Variants in HOOK1 observed in about 807,000 individuals in gnomAD.
The protein encoded by HOOK1 is protein Hook homolog 1.
In HOOK1, 60 loss-of-function variants were observed where a neutral mutation model predicts 112.8. The observed-to-expected ratio is 0.53, with a 90% CI of 0.43 to 0.66. The LOEUF is 0.66. Among genes scored for constraint, HOOK1 ranks in the 30% least tolerant of loss-of-function variants. The probability of loss-of-function intolerance (pLI) is 0.00; values close to 1 mark genes in which losing one functional copy is unlikely to be tolerated. For missense variants in HOOK1, 770 were observed against 856.0 expected (o/e 0.90, Z 1.25); for synonymous variants, 294 against 283.8 (o/e 1.04, Z -0.36).
At chr1:59,818,447 C>T (rs112343655) in intron 1 of HOOK1, among the ~76,000 whole-genome samples, 5 of 152,240 alleles carry the variant, frequency 3.3e-5, no homozygotes, top group African/African-American at 1.2e-4. Flanking sequence ...ATAATTGGCT[C>T]TTAGAAATGT....
At chr1:59,832,304 AT>A (rs562400326) in intron 4 of HOOK1, 91 bp downstream of exon 4, 2 of 745,684 alleles carry the variant, frequency 2.7e-6, no homozygotes, top group Non-Finnish European at 4.5e-6. Flanking sequence ...TGTTTATAAT[AT>A]TTTACTGGAA....
intron 12 of HOOK1, among the ~76,000 whole-genome samples, chr1:59,854,026 ATATATATATATATTTTTTTTTTTTTTTT>A (rs1006183915): frequency 2.6e-4 from 6 of 22,712 alleles, no homozygotes; most frequent in African/African-American, 8.1e-4. Flanking sequence ...ATATATATAT[ATATATATATATATTTTTTTTTTTTTTTT>A]TTTTTTTTTT....
rs1339897388 is a variant in HOOK1 at position 59,865,945 on chromosome 1, T to C, written c.1818T>C (p.Tyr606=). 4 of 1,594,400 alleles carry C rather than the reference T, an allele frequency of 2.5e-6. No homozygotes were observed. Among genetic ancestry groups the C allele is most frequent in the East Asian group, 2.3e-5 (1 of 44,016 alleles). ...DEDMKAMEER[Y]KMYLEKARNV... ...ATATGAAAGCAATGGAGGAAAGATA[T>C]AAAATGTACTTGGAGAAAGCCAGAA... The change falls in exon 19 of 22, where the codon TAT becomes TAC. Residue 606 remains tyrosine, a synonymous_variant. Transcript: ENST00000371208.
Position 59,817,942 on chromosome 1 carries a change from G to T in HOOK1, c.63+2762G>T, listed in dbSNP as rs530293985. Reference sequence around the variant, plus strand: ...GAACACTGACAACTATTGCCAATAAGACACCAAATCAAAGTGGTGATAGTA... The same window carrying T: ...GAACACTGACAACTATTGCCAATAATACACCAAATCAAAGTGGTGATAGTA... On this transcript the variant is annotated intron_variant, in intron 1 of 21. Coordinates refer to ENST00000371208, the MANE Select transcript of HOOK1 (RefSeq NM_015888.6). Among the ~76,000 whole-genome samples the T allele has an allele frequency of 8.1e-4, 124 of 152,168 alleles. 2 individuals carry two copies. Among genetic ancestry groups the T allele is most frequent in the Non-Finnish European group, 1.7e-3 (114 of 68,026 alleles).
chr1:59,828,582 T>G (rs1394657782), intron 2 of HOOK1, among the ~76,000 whole-genome samples, 198 bp from the exon 3 acceptor site: 1 of 152,160 alleles, frequency 6.6e-6, no homozygotes, highest in Non-Finnish European at 1.5e-5. Context: ...ATTAAATATT[T>G]AGTAAATGTT....
Position 59,872,876 on chromosome 1 carries a change from CCTGCGCGGTCTTT to C in HOOK1, c.2101_2113del (p.Ala701Ter). 1.3e-6 allele frequency: 2 copies of C among 1,529,390 alleles called. No individual in the cohort carries two copies. Among genetic ancestry groups the C allele is most frequent in the Non-Finnish European group, 1.8e-6 (2 of 1,131,792 alleles). 94.7% of individuals were successfully genotyped at this position (1,529,390 alleles called of 1,614,324 possible). ...CTGCAGTGACACTGGTGCGTGCACT[CCTGCGCGGTCTTT>C]CTTAGCGCAGCAACGGCACATCACC... On this transcript the variant is annotated frameshift_variant, in exon 22 of 22. Transcript: ENST00000371208. LOFTEE classifies it high-confidence loss of function.
At chr1:59,862,724 A>G in intron 15 of HOOK1, 60 bp from the exon 16 acceptor site, 1 of 961,738 alleles carries the variant, frequency 1.0e-6, no homozygotes, top group South Asian at 1.4e-5. Flanking sequence ...GTACCTTTGT[A>G]GATCCTTAAC....
intron 12 of HOOK1, among the ~76,000 whole-genome samples, chr1:59,849,884 G>C (rs2098406215): frequency 6.6e-6 from 1 of 151,522 alleles, no homozygotes; most frequent in African/African-American, 2.4e-5. Context: ...CATTTGGGTT[G>C]TTTCTACTTT....
intron 3 of HOOK1, among the ~76,000 whole-genome samples, chr1:59,829,369 A>G (rs1293495909): frequency 6.6e-6 from 1 of 152,160 alleles, no homozygotes; most frequent in African/African-American, 2.4e-5. Flanking sequence ...ACAAACATTC[A>G]TATATGAATC....
At chr1:59,845,915 A>C (rs1419555524) in intron 9 of HOOK1, among the ~76,000 whole-genome samples, 1 of 151,864 alleles carries the variant, frequency 6.6e-6, no homozygotes, top group Non-Finnish European at 1.5e-5. Context: ...TGTTTTCTGA[A>C]AGAGTTTATG....
chr1:59,852,466 CAA>C lies in HOOK1; in HGVS notation c.1242+3284_1242+3285del, dbSNP rs986514608. ...ATTTCTTCTTTATTTCTGTGAGAAA[CAA>C]GAGAATTTTGCTAAGTAGTGATATC... On this transcript the variant is annotated intron_variant, in intron 12 of 21. Coordinates refer to ENST00000371208, the MANE Select transcript of HOOK1 (RefSeq NM_015888.6). Among the ~76,000 whole-genome samples the C allele has an allele frequency of 1.1e-4, 16 of 149,624 alleles. 2 individuals are homozygous for C. Among genetic ancestry groups the C allele is most frequent in the African/African-American group, 3.7e-4 (15 of 41,082 alleles).
At position 59,814,960 on chromosome 1, in the gene HOOK1, C is replaced by G. The variant is rs1056228376; in HGVS notation, c.-158C>G. The G allele has an allele frequency of 6.0e-5, 40 of 665,838 alleles. No homozygotes were observed. The African/African-American group carries it at 7.4e-4, about 12-fold the overall frequency. The allele number at this position is 665,838 out of a possible 1,614,324, so 41.2% of individuals were successfully genotyped here. A position where few individuals can be genotyped will look rare whatever the true frequency, so the allele number is the denominator to read the frequency against. On this transcript the variant is annotated 5_prime_UTR_variant, in exon 1 of 22. Transcript: ENST00000371208. ...CGGGTGAGGAGGGGGTGACGCCGGACGCGTCGACAGCGCGAGGGTTCGCGC... is the reference window on the plus strand; with the variant it reads ...CGGGTGAGGAGGGGGTGACGCCGGAGGCGTCGACAGCGCGAGGGTTCGCGC...
chr1:59,872,777 T>A lies in HOOK1; in HGVS notation c.2017-18T>A, dbSNP rs937710085. The A allele has an allele frequency of 2.2e-6, 3 of 1,387,282 alleles. No individual in the cohort carries two copies. The highest frequency in any genetic ancestry group is 1.8e-5 in the South Asian group (1 of 56,574). 85.9% of individuals were successfully genotyped at this position (1,387,282 alleles called of 1,614,324 possible). A position where few individuals can be genotyped will look rare whatever the true frequency, so the allele number is the denominator to read the frequency against. ...GTTTAGTCATGTTAAATAAAAAATA[T>A]ATGTTTTTTTTTTTCAGAGTCTAGC... is the stretch of plus-strand genomic sequence containing the variant. On this transcript the variant is annotated intron_variant, in intron 21 of 21. Coordinates refer to ENST00000371208, the MANE Select transcript of HOOK1 (RefSeq NM_015888.6).
chr1:59,829,199 G>T (rs569309443), intron 3 of HOOK1, among the ~76,000 whole-genome samples: 1 of 152,102 alleles, frequency 6.6e-6, no homozygotes, highest in South Asian at 2.1e-4. Context: ...TTCACTCAGT[G>T]TAATTTTTCA....
intron 2 of HOOK1, among the ~76,000 whole-genome samples, chr1:59,823,213 G>T (rs956829416): frequency 6.6e-6 from 1 of 152,128 alleles, no homozygotes; most frequent in Non-Finnish European, 1.5e-5. Context: ...CCAGCTACTC[G>T]GGAGGCTGAG....
intron 1 of HOOK1, 60 bp downstream of exon 1, chr1:59,815,240 C>T (rs532132464): frequency 6.7e-7 from 1 of 1,481,826 alleles, no homozygotes; most frequent in Non-Finnish European, 9.1e-7. Flanking sequence ...GAGCCTGGGG[C>T]GCCCGGTTCT....
chr1:59,846,351 T>C (rs950671843), intron 9 of HOOK1, among the ~76,000 whole-genome samples: 1 of 151,742 alleles, frequency 6.6e-6, no homozygotes, highest in African/African-American at 2.4e-5. Context: ...TTCATCAGTT[T>C]TCTTAATCTT....
rs1559053115 is a variant in HOOK1 at position 59,846,565 on chromosome 1, TC to T, written c.789-478del. 6.7e-3 allele frequency among the ~76,000 whole-genome samples: 465 copies of T among 69,018 alleles called. 17 individuals carry two copies. Among genetic ancestry groups the T allele is most frequent in the African/African-American group, 0.026 (379 of 14,466 alleles). 45.3% of individuals were successfully genotyped at this position (69,018 alleles called of 152,430 possible). Reference sequence around the variant, plus strand: ...TTCCTTCCTTCCTTCCTTCCTTCCTTCCTTCCTTCCTTCCTTCCTTCCTCCC... The same window carrying T: ...TTCCTTCCTTCCTTCCTTCCTTCCTTCTTCCTTCCTTCCTTCCTTCCTCCC... On this transcript the variant is annotated intron_variant, in intron 9 of 21. Coordinates refer to ENST00000371208, the MANE Select transcript of HOOK1 (RefSeq NM_015888.6).
At chr1:59,849,868 TA>T (rs2098406208) in intron 12 of HOOK1, among the ~76,000 whole-genome samples, 1 of 151,650 alleles carries the variant, frequency 6.6e-6, no homozygotes, top group Non-Finnish European at 1.5e-5. Context: ...TTCACCAGTT[TA>T]TGAACATTTG....
Sources: allele counts gnomAD v4.1 joint callset (sites outside exome capture counted in the v4.1 genomes callset), GRCh38; gene constraint gnomAD v4.1.1; transcripts MANE v1.5; gene names NCBI Gene and HGNC (gene_info 2026-07-23, HGNC 2026-07-21).